The following PCDH9 variants were observed in gnomAD, a reference collection of about 807,000 sequenced individuals.
The protein encoded by PCDH9 is protocadherin-9.
PCDH9 carries 24 observed loss-of-function variants against 70.6 expected under a neutral mutation model. The ratio of observed to expected loss-of-function variants is 0.34; its 90% CI spans 0.25 to 0.48. PCDH9 has a LOEUF of 0.48. Among genes scored for constraint, PCDH9 ranks in the 20% least tolerant of loss-of-function variants. The pLI, the probability that PCDH9 is intolerant of heterozygous loss-of-function variation, is 0.99. For synonymous variants in PCDH9, 562 were observed against 558.5 expected, an observed-to-expected ratio of 1.01 and a Z score of -0.09; for missense variants, 1,281 against 1,503.6, an observed-to-expected ratio of 0.85 and a Z score of 2.45.
At chr13:66,909,613 C>CA (rs1204898185) in intron 2 of PCDH9, among the ~76,000 whole-genome samples, 7 of 151,946 alleles carry the variant, frequency 4.6e-5, no homozygotes, top group East Asian at 1.9e-4. Context: ...ACTGAAAATA[C>CA]AAAAAATTAG....
chr13:67,001,529 G>A (rs181088411), intron 2 of PCDH9, among the ~76,000 whole-genome samples: 2 of 151,704 alleles, frequency 1.3e-5, no homozygotes, highest in East Asian at 3.9e-4. Flanking sequence ...GAATGCTCTT[G>A]GTACAGCATT....
At chr13:66,388,348 T>C (rs911336084) in intron 4 of PCDH9, among the ~76,000 whole-genome samples, 4 of 152,174 alleles carry the variant, frequency 2.6e-5, no homozygotes, top group Non-Finnish European at 4.4e-5. Context: ...GATTTTAGTT[T>C]TTTTCATTTA....
chr13:66,353,662 A>G (rs549375237), intron 4 of PCDH9, among the ~76,000 whole-genome samples: 3 of 152,100 alleles, frequency 2.0e-5, no homozygotes, highest in Admixed American at 1.3e-4. Context: ...CTCTTAAACT[A>G]CACTCATTTC....
intron 2 of PCDH9, among the ~76,000 whole-genome samples, chr13:67,001,155 G>A (rs1294531119): frequency 6.6e-6 from 1 of 152,128 alleles, no homozygotes; most frequent in Non-Finnish European, 1.5e-5. Flanking sequence ...TTTCCAACTA[G>A]AGAGCCGATA....
At chr13:66,860,407 A>G (rs535273449) in intron 3 of PCDH9, among the ~76,000 whole-genome samples, 9 of 152,322 alleles carry the variant, frequency 5.9e-5, no homozygotes, top group African/African-American at 2.2e-4. Flanking sequence ...GAACATAGCT[A>G]ACACCAGTTT....
chr13:66,429,720 A>G (rs11843500), intron 4 of PCDH9, among the ~76,000 whole-genome samples: 58,191 of 151,574 alleles, frequency 0.38, 11,965 homozygotes, highest in East Asian at 0.51. Flanking sequence ...AGAAGAAGAA[A>G]AAAATAACTT....
At chr13:66,992,559 T>A (rs919709299) in intron 2 of PCDH9, among the ~76,000 whole-genome samples, 2 of 152,172 alleles carry the variant, frequency 1.3e-5, no homozygotes, top group African/African-American at 4.8e-5. Flanking sequence ...GACGAGCTCT[T>A]TTAATTTTGC....
intron 3 of PCDH9, among the ~76,000 whole-genome samples, chr13:66,828,245 C>T (rs1158902953): frequency 1.3e-5 from 2 of 152,138 alleles, no homozygotes; most frequent in Non-Finnish European, 2.9e-5. Flanking sequence ...AATCAAGGCA[C>T]TGTTTGGAAC....
At chr13:66,782,189 T>C (rs139003814) in intron 3 of PCDH9, among the ~76,000 whole-genome samples, 4 of 152,150 alleles carry the variant, frequency 2.6e-5, no homozygotes, top group Non-Finnish European at 5.9e-5. Flanking sequence ...AAGCATTTTA[T>C]TGATGAAATG....
chr13:66,392,376 A>G (rs552893830), intron 4 of PCDH9, among the ~76,000 whole-genome samples: 1 of 152,274 alleles, frequency 6.6e-6, no homozygotes, highest in Admixed American at 6.5e-5. Flanking sequence ...TAAAAATTAT[A>G]TAGCTCTCAT....
chr13:66,715,109 C>G, intron 3 of PCDH9, among the ~76,000 whole-genome samples: 1 of 152,104 alleles, frequency 6.6e-6, no homozygotes. Flanking sequence ...ATAGATTGTA[C>G]CTGTCATATC....
At chr13:66,974,658 G>A (rs756812958) in intron 2 of PCDH9, among the ~76,000 whole-genome samples, 5 of 151,924 alleles carry the variant, frequency 3.3e-5, no homozygotes, top group Non-Finnish European at 2.9e-5. Context: ...TACTCTATGC[G>A]CCTAACTCCT....
At chr13:66,612,719 G>C (rs1377382157) in intron 4 of PCDH9, among the ~76,000 whole-genome samples, 1 of 152,096 alleles carries the variant, frequency 6.6e-6, no homozygotes, top group Non-Finnish European at 1.5e-5. Context: ...GGTTTACAGC[G>C]GGCAGGAGCC....
chr13:66,706,459 A>T (rs2078712619), intron 3 of PCDH9, among the ~76,000 whole-genome samples: 1 of 152,208 alleles, frequency 6.6e-6, no homozygotes, highest in Admixed American at 6.5e-5. Context: ...TTTTATTAGG[A>T]TCTCATCAAC....
chr13:67,170,424 A>G (rs1416359094), intron 2 of PCDH9, among the ~76,000 whole-genome samples: 2 of 152,200 alleles, frequency 1.3e-5, no homozygotes, highest in Non-Finnish European at 1.5e-5. Flanking sequence ...ACTCTATGGT[A>G]AAAGGATTAT....
At chr13:66,401,551 C>A (rs545524957) in intron 4 of PCDH9, among the ~76,000 whole-genome samples, 27 of 152,206 alleles carry the variant, frequency 1.8e-4, no homozygotes, top group African/African-American at 6.3e-4. Context: ...AGAATGGACT[C>A]ATATGGTGGG....
chr13:67,190,206 A>G (rs1012990022), intron 2 of PCDH9, among the ~76,000 whole-genome samples: 1 of 152,016 alleles, frequency 6.6e-6, no homozygotes, highest in Non-Finnish European at 1.5e-5. Context: ...TCCTGCCACT[A>G]GCCCTTTGAT....
intron 4 of PCDH9, among the ~76,000 whole-genome samples, chr13:66,541,589 G>C (rs1461936639): frequency 6.6e-6 from 1 of 152,082 alleles, no homozygotes; most frequent in Non-Finnish European, 1.5e-5. Context: ...TCTTCTCTGC[G>C]TGTTTCTGTG....
chr13:67,089,352 G>C (rs1247004360), intron 2 of PCDH9, among the ~76,000 whole-genome samples: 1 of 151,782 alleles, frequency 6.6e-6, no homozygotes, highest in African/African-American at 2.4e-5. Context: ...AATGTCTTTG[G>C]TCCTTCTCTC....
Sources: allele counts gnomAD v4.1 joint callset (sites outside exome capture counted in the v4.1 genomes callset), GRCh38; gene constraint gnomAD v4.1.1; transcripts MANE v1.5; gene names NCBI Gene and HGNC (gene_info 2026-07-23, HGNC 2026-07-21).